The following PPFIBP1 variants were observed in gnomAD, a reference collection of about 807,000 sequenced individuals.
PPFIBP1 encodes liprin-beta-1.
Under a neutral mutation model 137.8 loss-of-function variants are expected in PPFIBP1, and 112 were observed. That is an observed-to-expected ratio of 0.81 (90% CI 0.70 to 0.95). The LOEUF is 0.95. PPFIBP1 is among the 40% of genes least tolerant of loss of function. The probability of loss-of-function intolerance (pLI) is 0.00; values close to 1 mark genes in which losing one functional copy is unlikely to be tolerated. For missense variants in PPFIBP1, 1,083 were observed against 1,196.6 expected (o/e 0.91, Z 1.40); for synonymous variants, 378 against 417.3 (o/e 0.91, Z 1.15).
chr12:27,586,771 G>C (rs1350672872), intron 2 of PPFIBP1, among the ~76,000 whole-genome samples: 1 of 152,018 alleles, frequency 6.6e-6, no homozygotes, highest in Non-Finnish European at 1.5e-5. Context: ...GCATTATATA[G>C]TGACTATGCC....
intron 2 of PPFIBP1, among the ~76,000 whole-genome samples, chr12:27,625,809 C>T (rs941625699): frequency 6.6e-6 from 1 of 152,000 alleles, no homozygotes; most frequent in Non-Finnish European, 1.5e-5. Flanking sequence ...GTCTCGAACT[C>T]CTGACCTCAA....
chr12:27,611,227 G>A (rs1196450915), intron 2 of PPFIBP1, among the ~76,000 whole-genome samples: 1 of 152,168 alleles, frequency 6.6e-6, no homozygotes, highest in Non-Finnish European at 1.5e-5. Flanking sequence ...CGCTGTAGCT[G>A]GGTTTTTCAG....
At chr12:27,562,079 C>T (rs1042954001) in intron 1 of PPFIBP1, among the ~76,000 whole-genome samples, 9 of 151,798 alleles carry the variant, frequency 5.9e-5, no homozygotes, top group Admixed American at 5.9e-4. Context: ...AATGAACTAG[C>T]GACCCTCCTC....
chr12:27,659,488 C>T (rs1330784138), intron 10 of PPFIBP1, among the ~76,000 whole-genome samples: 1 of 151,976 alleles, frequency 6.6e-6, no homozygotes, highest in East Asian at 1.9e-4. Flanking sequence ...TGGTGCATGC[C>T]TGTAGTCCCA....
chr12:27,571,497 A>G (rs2050145202), intron 1 of PPFIBP1, among the ~76,000 whole-genome samples: 1 of 152,132 alleles, frequency 6.6e-6, no homozygotes, highest in Non-Finnish European at 1.5e-5. Context: ...TCAAACACAC[A>G]TGATGCAGAG....
At position 27,689,050 on chromosome 12, in the gene PPFIBP1, T is replaced by C; in HGVS notation, c.2532T>C (p.Ala844=). The change falls in exon 27 of 30, where the codon GCT becomes GCC. Residue 844 remains alanine (A), a synonymous_variant. Transcript: ENST00000228425. ...CTCGTTTTAACGTAGAAACAATGGC[T>C]CAGTTATTGAACATCCCACCCAATA... ...LEPRFNVETM[A]QLLNIPPNKT... The C allele has an allele frequency of 6.2e-7, 1 of 1,613,670 alleles. No individual in the cohort carries two copies.
At chr12:27,633,078 T>G in intron 2 of PPFIBP1, among the ~76,000 whole-genome samples, 1 of 152,216 alleles carries the variant, frequency 6.6e-6, no homozygotes, top group Non-Finnish European at 1.5e-5. Context: ...CCATCCCTGT[T>G]GCCCTTTACA....
chr12:27,600,156 A>G (rs7132375), intron 2 of PPFIBP1, among the ~76,000 whole-genome samples: 118,920 of 152,106 alleles, frequency 0.78, 46,935 homozygotes, highest in Middle Eastern at 0.91. Flanking sequence ...TTGAAAGAAG[A>G]GCTGGGCACG....
intron 2 of PPFIBP1, among the ~76,000 whole-genome samples, chr12:27,613,046 G>A (rs1379767225): frequency 6.6e-6 from 1 of 152,146 alleles, no homozygotes; most frequent in East Asian, 1.9e-4. Context: ...GCAGAGGAAT[G>A]CCTGGTACCC....
chr12:27,606,668 C>T (rs1009970119), intron 2 of PPFIBP1, among the ~76,000 whole-genome samples: 9 of 152,160 alleles, frequency 5.9e-5, no homozygotes, highest in South Asian at 2.1e-4. Context: ...AAATCAATTC[C>T]GTAAGTTTGG....
At chr12:27,601,832 G>T (rs1056019754) in intron 2 of PPFIBP1, among the ~76,000 whole-genome samples, 3 of 152,198 alleles carry the variant, frequency 2.0e-5, no homozygotes, top group Non-Finnish European at 2.9e-5. Flanking sequence ...TTCATGGCCA[G>T]CAGGCACAAA....
intron 1 of PPFIBP1, among the ~76,000 whole-genome samples, chr12:27,527,750 G>A (rs1371288741): frequency 1.3e-5 from 2 of 151,834 alleles, no homozygotes; most frequent in Non-Finnish European, 2.9e-5. Context: ...TCCTTAGAAA[G>A]TCATATTAGC....
At chr12:27,540,286 G>T (rs1455677238) in intron 1 of PPFIBP1, among the ~76,000 whole-genome samples, 1 of 150,922 alleles carries the variant, frequency 6.6e-6, no homozygotes, top group East Asian at 1.9e-4. Context: ...GAGAAACGCT[G>T]CCTTGAAGGG....
intron 1 of PPFIBP1, among the ~76,000 whole-genome samples, chr12:27,534,251 T>A (rs1209875224): frequency 1.3e-5 from 2 of 152,098 alleles, no homozygotes. Context: ...ATAAGAACCC[T>A]TCTTCTGATG....
At chr12:27,547,751 C>G (rs114010687) in intron 1 of PPFIBP1, 3,288 of 152,360 alleles carry the variant, frequency 0.022, 122 homozygotes, top group African/African-American at 0.075. Context: ...CTTTTGTTTG[C>G]CTACATCAGC....
chr12:27,676,939 C>A, intron 18 of PPFIBP1, 125 bp from the exon 19 acceptor site: 1 of 1,218,822 alleles, frequency 8.2e-7, no homozygotes, highest in Non-Finnish European at 1.2e-6. Context: ...GCACTGTGTG[C>A]CGCATGCCTC....
rs2055216235 is a variant in PPFIBP1, at chr12:27,612,330, T to TTTTG, written c.-35-21029_-35-21028insGTTT. On this transcript the variant is annotated intron_variant, in intron 2 of 29. Coordinates refer to ENST00000228425, the MANE Select transcript of PPFIBP1 (RefSeq NM_003622.4). ...TGCTCCATCTGTACTTTATTGGTGTTTTTTTTTTTTTTTTTTTTTTTGAGA... is the reference window on the plus strand; with the variant it reads ...TGCTCCATCTGTACTTTATTGGTGTTTTTGTTTTTTTTTTTTTTTTTTTTTGAGA... Among the ~76,000 whole-genome samples the TTTTG allele has an allele frequency of 3.0e-5, 4 of 133,996 alleles. No individual in the cohort carries two copies. In the South Asian group the frequency reaches 1.0e-3, roughly 35 times the overall value. The allele number at this position is 133,996 out of a possible 152,430, so 87.9% of individuals were successfully genotyped here. A position where few individuals can be genotyped will look rare whatever the true frequency, so the allele number is the denominator to read the frequency against.
intron 4 of PPFIBP1, among the ~76,000 whole-genome samples, chr12:27,641,705 G>A (rs56378022): frequency 2.6e-5 from 4 of 152,202 alleles, no homozygotes; most frequent in South Asian, 4.1e-4. Flanking sequence ...CTCTAAATAC[G>A]GGGCTTGTAA....
intron 2 of PPFIBP1, among the ~76,000 whole-genome samples, chr12:27,582,627 G>A (rs1360853510): frequency 5.3e-5 from 8 of 152,144 alleles, no homozygotes; most frequent in Non-Finnish European, 5.9e-5. Context: ...GTACTGTAGC[G>A]CTGTTCTAGT....
Sources: allele counts gnomAD v4.1 joint callset (sites outside exome capture counted in the v4.1 genomes callset), GRCh38; gene constraint gnomAD v4.1.1; transcripts MANE v1.5; gene names NCBI Gene and HGNC (gene_info 2026-07-23, HGNC 2026-07-21).